ZNF385D: variants seen among roughly 807,000 people sequenced by gnomAD.
ZNF385D encodes zinc finger protein 385D, also known as zinc finger protein 659.
A neutral mutation model predicts 35.8 loss-of-function variants in ZNF385D; 15 were observed. The observed-to-expected ratio is 0.42, with a 90% CI of 0.28 to 0.64. ZNF385D has a LOEUF of 0.64. Ranked by LOEUF, ZNF385D falls within the 30% of genes least tolerant of loss-of-function variation. ZNF385D has a pLI of 0.23. For synonymous variants in ZNF385D, 212 were observed against 186.8 expected, an observed-to-expected ratio of 1.13 and a Z score of -1.10; for missense variants, 474 against 494.6, an observed-to-expected ratio of 0.96 and a Z score of 0.39.
rs557631256 is a variant in ZNF385D, at chr3:22,288,510, C to G, written c.106+83940G>C. 3.4e-4 allele frequency among the ~76,000 whole-genome samples: 52 copies of G among 152,022 alleles called. No individual in the cohort carries two copies. In the South Asian group the frequency reaches 1.0e-2, roughly 29 times the overall value. ...TTCACTGATGCCTTTTTTGCTTAAT[C>G]CATCCTGCATTAGATTTTTCTATTC... On this transcript the variant is annotated intron_variant, in intron 2 of 5. Transcript: ENST00000494108.
intron 2 of ZNF385D, among the ~76,000 whole-genome samples, chr3:22,293,292 A>G (rs1205336554): frequency 6.6e-6 from 1 of 152,128 alleles, no homozygotes; most frequent in East Asian, 1.9e-4. Flanking sequence ...GCTACCTTTT[A>G]TTAAACTCGA....
chr3:22,041,817 T>A (rs1698681318), intron 3 of ZNF385D, among the ~76,000 whole-genome samples: 1 of 152,074 alleles, frequency 6.6e-6, no homozygotes, highest in Non-Finnish European at 1.5e-5. Flanking sequence ...ACTTAAGGAA[T>A]GGTTGAAAAA....
At chr3:21,999,149 C>G (rs1018817852) in intron 3 of ZNF385D, among the ~76,000 whole-genome samples, 1 of 152,126 alleles carries the variant, frequency 6.6e-6, no homozygotes, top group African/African-American at 2.4e-5. Context: ...AGAACTGCAG[C>G]ATTTCCTCTG....
At chr3:21,572,003 G>A (rs1370541888) in intron 2 of ZNF385D, among the ~76,000 whole-genome samples, 2 of 152,046 alleles carry the variant, frequency 1.3e-5, no homozygotes, top group Admixed American at 1.3e-4. Flanking sequence ...TGACTGAATC[G>A]CAGGGCACAT....
chr3:22,372,635 C>G, exon 2 of ZNF385D: 1 of 408,214 alleles, frequency 2.4e-6, no homozygotes. Context: ...CGGTGGTCGC[C>G]GCGAGCCGTG....
chr3:22,349,419 C>G (rs1559534697), intron 2 of ZNF385D, among the ~76,000 whole-genome samples: 2 of 152,148 alleles, frequency 1.3e-5, no homozygotes, highest in Non-Finnish European at 2.9e-5. Flanking sequence ...GTTTTGAGTT[C>G]TAGTGGCAAT....
intron 2 of ZNF385D, among the ~76,000 whole-genome samples, chr3:22,323,245 C>T (rs2125448333): frequency 6.6e-6 from 1 of 152,192 alleles, no homozygotes; most frequent in South Asian, 2.1e-4. Context: ...AAGTTCTTTC[C>T]AGGATCTCTC....
At chr3:21,466,915 C>A (rs1703552379) in intron 4 of ZNF385D, among the ~76,000 whole-genome samples, 1 of 152,162 alleles carries the variant, frequency 6.6e-6, no homozygotes, top group Non-Finnish European at 1.5e-5. Flanking sequence ...ATGAGATAAC[C>A]AGCCCAAGGA....
chr3:21,578,648 T>C (rs1346222887), intron 2 of ZNF385D, among the ~76,000 whole-genome samples: 2 of 152,164 alleles, frequency 1.3e-5, no homozygotes, highest in Admixed American at 6.5e-5. Context: ...GCTATAAATA[T>C]GTGTGTTTAT....
chr3:22,183,168 T>C (rs901267654), intron 2 of ZNF385D, among the ~76,000 whole-genome samples: 18 of 152,268 alleles, frequency 1.2e-4, no homozygotes, highest in African/African-American at 4.3e-4. Flanking sequence ...ATAGCATGAA[T>C]AGTTAAGTTT....
At chr3:21,511,687 T>G (rs939858265) in intron 3 of ZNF385D, 1 of 456,534 alleles carries the variant, frequency 2.2e-6, no homozygotes, top group Non-Finnish European at 4.4e-6. Context: ...CATGCCCCAG[T>G]CCATTGTTGG....
intron 2 of ZNF385D, among the ~76,000 whole-genome samples, chr3:22,191,511 A>G (rs1172627258): frequency 1.3e-5 from 2 of 151,652 alleles, no homozygotes; most frequent in East Asian, 1.9e-4. Flanking sequence ...AAAAAGGACA[A>G]TTTTTCCTAA....
intron 3 of ZNF385D, among the ~76,000 whole-genome samples, chr3:21,553,867 T>C (rs771428974): frequency 6.6e-6 from 1 of 152,234 alleles, no homozygotes; most frequent in Non-Finnish European, 1.5e-5. Context: ...AGGAGGAGGT[T>C]ATCTGAGATT....
intron 1 of ZNF385D, among the ~76,000 whole-genome samples, chr3:21,676,789 ATG>A (rs1283771553): frequency 1.3e-5 from 1 of 74,646 alleles, no homozygotes; most frequent in African/African-American, 4.0e-5. Context: ...CAAAGCCCAT[ATG>A]TATTTTTTTT....
intron 3 of ZNF385D, among the ~76,000 whole-genome samples, chr3:22,104,881 T>C (rs546600462): frequency 6.6e-6 from 1 of 152,132 alleles, no homozygotes; most frequent in Admixed American, 6.6e-5. Flanking sequence ...CTCCAGGGAA[T>C]ACAGTGACTG....
chr3:21,786,181 C>T (rs2071684030), intron 3 of ZNF385D, among the ~76,000 whole-genome samples: 2 of 152,186 alleles, frequency 1.3e-5, no homozygotes, highest in Non-Finnish European at 2.9e-5. Context: ...TTCTTTGACA[C>T]TCCTTTTCTA....
chr3:21,934,850 G>T (rs116442018), intron 3 of ZNF385D, among the ~76,000 whole-genome samples: 2,076 of 152,182 alleles, frequency 0.014, 41 homozygotes, highest in African/African-American at 0.046. Flanking sequence ...AATTAATTTG[G>T]TTTTTTCACA....
chr3:22,226,767 C>G (rs1393919763), intron 2 of ZNF385D, among the ~76,000 whole-genome samples: 1 of 152,144 alleles, frequency 6.6e-6, no homozygotes, highest in Non-Finnish European at 1.5e-5. Flanking sequence ...ACCCTCTTCA[C>G]TTGTCTTGCT....
Position 21,670,575 on chromosome 3 carries a change from A to G in ZNF385D, c.23-5547T>C, listed in dbSNP as rs576862170. Among the ~76,000 whole-genome samples the G allele has an allele frequency of 6.1e-5, 9 of 148,126 alleles. No homozygotes were observed. In the East Asian group the frequency reaches 1.9e-3, roughly 31 times the overall value. The stretch of plus-strand genomic sequence containing the variant: ...GTGATAGTAGGCATAAAAACTTTAG[A>G]TCTGATCCTACTAATAAGAAGTCGA... On this transcript the variant is annotated intron_variant, in intron 1 of 7. Coordinates refer to ENST00000281523, the MANE Select transcript of ZNF385D (RefSeq NM_024697.3).
Sources: allele counts gnomAD v4.1 joint callset (sites outside exome capture counted in the v4.1 genomes callset), GRCh38; gene constraint gnomAD v4.1.1; transcripts MANE v1.5; gene names NCBI Gene and HGNC (gene_info 2026-07-23, HGNC 2026-07-21).